CAMK2D: variants seen among roughly 807,000 people sequenced by gnomAD.
The protein encoded by CAMK2D is calcium/calmodulin-dependent protein kinase type II subunit delta.
Under a neutral mutation model 84.0 loss-of-function variants are expected in CAMK2D, and 37 were observed. That is an observed-to-expected ratio of 0.44 (90% CI 0.34 to 0.58). The LOEUF (loss-of-function observed/expected upper bound fraction) is 0.58. Ranked by LOEUF, CAMK2D falls within the 20% of genes least tolerant of loss-of-function variation. The pLI is 0.02. For missense variants in CAMK2D, 448 were observed against 652.5 expected (o/e 0.69, Z 3.41); for synonymous variants, 202 against 212.5 (o/e 0.95, Z 0.43).
intron 2 of CAMK2D, among the ~76,000 whole-genome samples, chr4:113,724,175 T>C (rs577166205): frequency 1.3e-5 from 2 of 152,112 alleles, no homozygotes; most frequent in African/African-American, 4.8e-5. Context: ...TTTCTACTTT[T>C]CGTATGTTTT....
chr4:113,665,289 A>G (rs773666478), intron 2 of CAMK2D, among the ~76,000 whole-genome samples: 3 of 152,202 alleles, frequency 2.0e-5, no homozygotes, highest in Admixed American at 6.5e-5. Context: ...GTTTCCATTA[A>G]AACTAGAAAT....
chr4:113,689,579 T>C (rs2099377388), intron 2 of CAMK2D, among the ~76,000 whole-genome samples: 1 of 152,202 alleles, frequency 6.6e-6, no homozygotes, highest in Non-Finnish European at 1.5e-5. Flanking sequence ...ATCCTGTCCT[T>C]CTTATTCTTT....
chr4:113,503,280 C>G (rs534535791), intron 14 of CAMK2D: 5 of 609,164 alleles, frequency 8.2e-6, no homozygotes, highest in Non-Finnish European at 1.6e-5. Flanking sequence ...TCACTTAATC[C>G]TATGCTTTCC....
chr4:113,505,165 C>A (rs1183770433), intron 13 of CAMK2D, 130 bp from the exon 14 acceptor site: 1 of 465,762 alleles, frequency 2.1e-6, no homozygotes, highest in Non-Finnish European at 3.8e-6. Flanking sequence ...ACGTGAAAGA[C>A]ATGGTGATGA....
At chr4:113,647,006 T>G (rs982115534) in intron 3 of CAMK2D, among the ~76,000 whole-genome samples, 1 of 152,234 alleles carries the variant, frequency 6.6e-6, no homozygotes, top group African/African-American at 2.4e-5. Context: ...ATGATAGCCT[T>G]ACATAATTTT....
intron 17 of CAMK2D, among the ~76,000 whole-genome samples, chr4:113,462,338 G>A (rs1880530): frequency 0.94 from 122,563 of 130,436 alleles, 57,618 homozygotes; most frequent in East Asian, 0.99. Flanking sequence ...CTGTCTGTCT[G>A]TCTATCTATC....
chr4:113,664,202 C>A (rs897803890), intron 2 of CAMK2D, among the ~76,000 whole-genome samples: 2 of 152,170 alleles, frequency 1.3e-5, no homozygotes, highest in African/African-American at 4.8e-5. Flanking sequence ...GCTATTTAAG[C>A]CACCTAGTCT....
chr4:113,707,450 T>G (rs1283455188), intron 2 of CAMK2D, among the ~76,000 whole-genome samples: 1 of 152,172 alleles, frequency 6.6e-6, no homozygotes, highest in Non-Finnish European at 1.5e-5. Context: ...CATCTCTATT[T>G]AGGACAAACC....
intron 4 of CAMK2D, among the ~76,000 whole-genome samples, chr4:113,581,280 G>A (rs555204987): frequency 2.0e-5 from 3 of 152,130 alleles, no homozygotes; most frequent in African/African-American, 7.2e-5. Flanking sequence ...TTGGGAGGCC[G>A]AGGCGGGTGG....
At chr4:113,750,305 C>A (rs17532686) in intron 2 of CAMK2D, among the ~76,000 whole-genome samples, 1,553 of 152,268 alleles carry the variant, frequency 0.01, 18 homozygotes, top group Non-Finnish European at 0.01. Context: ...CAGGTGTACT[C>A]ACTCCATCAG....
intron 4 of CAMK2D, among the ~76,000 whole-genome samples, chr4:113,556,064 T>C (rs986546440): frequency 2.6e-5 from 4 of 152,168 alleles, no homozygotes; most frequent in African/African-American, 9.7e-5. Context: ...ATGTCTGTTG[T>C]TCAAGCCACC....
rs1236507186 is a variant in CAMK2D at position 113,560,227 on chromosome 4, C to A, written c.276-8131G>T. 2.0e-5 allele frequency among the ~76,000 whole-genome samples: 3 copies of A among 150,404 alleles called. No individual in the cohort carries two copies. In the East Asian group the frequency reaches 6.3e-4, roughly 32 times the overall value. ...CCAGTGAGCGACTCATTTGTTCTCACAGCATTTTTTTTTTTTTCCTGAAAA... is the reference window on the plus strand; with the variant it reads ...CCAGTGAGCGACTCATTTGTTCTCAAAGCATTTTTTTTTTTTTCCTGAAAA... On this transcript the variant is annotated intron_variant, in intron 4 of 20. Coordinates refer to ENST00000511664, the MANE Select transcript of CAMK2D (RefSeq NM_001321571.2).
chr4:113,588,766 G>A (rs1024259550), intron 4 of CAMK2D, among the ~76,000 whole-genome samples: 1 of 152,056 alleles, frequency 6.6e-6, no homozygotes, highest in Non-Finnish European at 1.5e-5. Flanking sequence ...CTAGACACTG[G>A]GGATAATAGT....
chr4:113,606,886 A>AT (rs2098980006), intron 4 of CAMK2D, among the ~76,000 whole-genome samples: 1 of 152,128 alleles, frequency 6.6e-6, no homozygotes. Context: ...AAACCAAAAA[A>AT]TTTTAAAGCA....
intron 2 of CAMK2D, among the ~76,000 whole-genome samples, chr4:113,687,039 A>C (rs1272922721): frequency 6.6e-6 from 1 of 152,238 alleles, no homozygotes; most frequent in East Asian, 1.9e-4. Context: ...CTATGTATAT[A>C]ATAAAATGTT....
At chr4:113,514,792 T>C (rs577076875) in intron 10 of CAMK2D, among the ~76,000 whole-genome samples, 52 of 152,340 alleles carry the variant, frequency 3.4e-4, no homozygotes, top group African/African-American at 1.2e-3. Context: ...CTTAACCTTG[T>C]TCATGAGTAT....
chr4:113,490,143 T>C (rs1386441094), intron 16 of CAMK2D, among the ~76,000 whole-genome samples: 7 of 147,226 alleles, frequency 4.8e-5, no homozygotes, highest in Admixed American at 1.4e-4. Flanking sequence ...GCTCTTTAGT[T>C]TAATTAGATC....
intron 2 of CAMK2D, among the ~76,000 whole-genome samples, chr4:113,731,245 G>A (rs1385761664): frequency 1.3e-5 from 2 of 152,136 alleles, no homozygotes; most frequent in Non-Finnish European, 2.9e-5. Flanking sequence ...GGAGAACTAA[G>A]AAGGTCAATG....
chr4:113,540,502 C>A (rs759078270), intron 6 of CAMK2D, among the ~76,000 whole-genome samples: 1 of 152,142 alleles, frequency 6.6e-6, no homozygotes, highest in African/African-American at 2.4e-5. Flanking sequence ...AGAAAGAATG[C>A]GAAGACCTGG....
Sources: allele counts gnomAD v4.1 joint callset (sites outside exome capture counted in the v4.1 genomes callset), GRCh38; gene constraint gnomAD v4.1.1; transcripts MANE v1.5; gene names NCBI Gene and HGNC (gene_info 2026-07-23, HGNC 2026-07-21).